Variants in ZNF780A observed in about 807,000 individuals in gnomAD.
The protein encoded by ZNF780A is zinc finger protein 780A.
Under a neutral mutation model 56.7 loss-of-function variants are expected in ZNF780A, and 40 were observed. The observed-to-expected ratio is 0.71, with a 90% CI of 0.55 to 0.92. ZNF780A has a LOEUF of 0.92. ZNF780A is among the 40% of genes least tolerant of loss of function. The probability of loss-of-function intolerance (pLI) is 0.00; values close to 1 mark genes in which losing one functional copy is unlikely to be tolerated. For missense variants in ZNF780A, 672 were observed against 783.3 expected (o/e 0.86, Z 1.70); for synonymous variants, 231 against 248.3 (o/e 0.93, Z 0.66).
At position 40,085,127 on chromosome 19, in the gene ZNF780A, C is replaced by A. The variant is rs1027029117; in HGVS notation, c.-45-329G>T. ...TACCTATCTTGGCCTAGGTCTGGAC[C>A]TCTGATCCTGCCCTTAGCAGATCCT... On this transcript the variant is annotated intron_variant, in intron 2 of 5. Transcript: ENST00000683561. 5 of 984,750 alleles carry A rather than the reference C, an allele frequency of 5.1e-6. No individual in the cohort carries two copies. In the African/African-American group the frequency reaches 8.7e-5, roughly 17 times the overall value. The allele number at this position is 984,750 out of a possible 1,614,324, so 61.0% of individuals were successfully genotyped here.
rs762651003 is a variant in ZNF780A at position 40,075,993 on chromosome 19, G to A, written c.449C>T (p.Thr150Ile). The stretch of plus-strand genomic sequence containing the variant: ...AATAAGAGAAGCATGAGGAGTATGA[G>A]TAGGCAGTTTTTCATAGCTGATCAT... The part of the protein sequence containing the change: ...QKMISYEKLP[T>I]HTPHASLICN... The change falls in exon 6 of 6, where the codon ACT becomes ATT. Residue 150 changes from threonine (T) to isoleucine (I), a missense_variant. Transcript: ENST00000683561. 6.8e-6 allele frequency: 11 copies of A among 1,613,434 alleles called. No homozygotes were observed. Among genetic ancestry groups the A allele is most frequent in the Non-Finnish European group, 8.5e-6 (10 of 1,179,752 alleles).
Position 40,086,022 on chromosome 19 carries a change from C to T in ZNF780A, c.-45-1224G>A, listed in dbSNP as rs149149622. ...TATGTGTGTGTGTGTGTGTATGCAT[C>T]TCTATATATGGACATATATAAATGT... On this transcript the variant is annotated intron_variant, in intron 2 of 5. Transcript: ENST00000683561. Among the ~76,000 whole-genome samples, 562 of 151,606 alleles carry T rather than the reference C, an allele frequency of 3.7e-3. 2 individuals are homozygous for T. Among genetic ancestry groups the T allele is most frequent in the African/African-American group, 0.013 (519 of 41,338 alleles).
In ZNF780A at chr19:40,075,911, A is replaced by C. The variant is rs758227275; in HGVS notation, c.531T>G (p.Ser177Arg). The C allele has an allele frequency of 2.2e-5, 35 of 1,613,942 alleles. No homozygotes were observed. In the South Asian group the frequency reaches 3.8e-4, roughly 18 times the overall value. ...CKECGKYFSRSANLIQHQSIH... is the reference protein window; with the variant it reads ...CKECGKYFSRRANLIQHQSIH... Reference sequence around the variant, plus strand: ...TACTCTGATGCTGAATAAGATTTGCACTACGACTAAAGTATTTCCCACATT... The same window carrying C: ...TACTCTGATGCTGAATAAGATTTGCCCTACGACTAAAGTATTTCCCACATT... Residue 177 changes from serine to arginine, a missense_variant, in exon 6 of 6, where the codon AGT becomes AGG. Transcript: ENST00000683561.
Position 40,075,068 on chromosome 19 carries a change from G to A in ZNF780A, c.1374C>T (p.Cys458=). 2 of 1,614,078 alleles carry A rather than the reference G, an allele frequency of 1.2e-6. No homozygotes were observed. The highest frequency in any genetic ancestry group is 2.7e-5 in the African/African-American group (2 of 75,006). Residue 458 remains cysteine (C), a synonymous_variant, in exon 6 of 6, where the codon TGC becomes TGT. Transcript: ENST00000683561. ...RECEMAFRYH[C]QLIEHSRIHT... ...GAATTCGAGAATGTTCAATAAGTTG[G>A]CAATGATATCTAAAGGCCATCTCAC...
Position 40,073,411 on chromosome 19 carries a change from G to A in ZNF780A, c.*1105C>T, listed in dbSNP as rs1973908556. The A allele has an allele frequency of 4.2e-6, 2 of 472,910 alleles. No homozygotes were observed. The highest frequency in any genetic ancestry group is 1.8e-4 in the South Asian group (2 of 11,058). 29.3% of individuals were successfully genotyped at this position (472,910 alleles called of 1,614,324 possible). ...TTACCAAAATGTGACATAAAGACAT[G>A]AAATGCACACCTGACGTTGGGAAAA... On this transcript the variant is annotated 3_prime_UTR_variant, in exon 6 of 6. Transcript: ENST00000683561.
intron 4 of ZNF780A, among the ~76,000 whole-genome samples, chr19:40,082,620 C>T (rs1206852312): frequency 3.9e-5 from 6 of 152,076 alleles, no homozygotes; most frequent in East Asian, 1.9e-4. Flanking sequence ...GACAGGGTCT[C>T]GGTCTATTGC....
chr19:40,070,490 C>T (rs1279648584), downstream of ZNF780A: 1 of 152,034 alleles, frequency 6.6e-6, no homozygotes, highest in African/African-American at 2.4e-5. Flanking sequence ...ACCAAACTGT[C>T]CAATTACCAA....
At chr19:40,087,196 A>G (rs1974853482) in intron 2 of ZNF780A, among the ~76,000 whole-genome samples, 1 of 152,204 alleles carries the variant, frequency 6.6e-6, no homozygotes, top group Non-Finnish European at 1.5e-5. Flanking sequence ...GATCATTTAC[A>G]ATGTCATTCC....
chr19:40,089,420 G>C, intron 2 of ZNF780A: 2 of 758,938 alleles, frequency 2.6e-6, no homozygotes, highest in Non-Finnish European at 3.8e-6. Context: ...CTGTTCTGTA[G>C]AGAGTCAAGG....
downstream of ZNF780A, chr19:40,072,853 A>G: frequency 1.3e-6 from 2 of 1,536,164 alleles, no homozygotes; most frequent in African/African-American, 2.8e-5. Flanking sequence ...TTGAGCGCCT[A>G]CATTCATAGG....
Position 40,076,092 on chromosome 19 carries a change from T to C in ZNF780A, c.350A>G (p.Tyr117Cys). The C allele has an allele frequency of 6.2e-7, 1 of 1,613,804 alleles. No individual in the cohort carries two copies. Among genetic ancestry groups the C allele is most frequent in the Non-Finnish European group, 8.5e-7 (1 of 1,179,920 alleles). ...TCTATATTCTGAGTCATTTCTAAAATAAAAGGCCTCAATGCCAAGAGTTGT... is the reference window on the plus strand; with the variant it reads ...TCTATATTCTGAGTCATTTCTAAAACAAAAGGCCTCAATGCCAAGAGTTGT... Reference protein sequence around the residue: ...ISTTLGIEAFYFRNDSEYRQF... With the variant: ...ISTTLGIEAFCFRNDSEYRQF... The change falls in exon 6 of 6, where the codon TAT (tyrosine) becomes TGT (cysteine). Residue 117 changes from tyrosine to cysteine, a missense_variant. By Grantham distance (194) the Tyr-to-Cys change is radical. Coordinates refer to ENST00000683561, the MANE Select transcript of ZNF780A (RefSeq NM_001142578.2).
In ZNF780A at chr19:40,076,013, G is replaced by A. The variant is rs1974115054; in HGVS notation, c.429C>T (p.Ile143=). 1 of 1,613,470 alleles carries A rather than the reference G, an allele frequency of 6.2e-7. No homozygotes were observed. Among genetic ancestry groups the A allele is most frequent in the Non-Finnish European group, 8.5e-7 (1 of 1,179,798 alleles). ...YQEGNINQKM[I]SYEKLPTHTP... is the part of the protein sequence containing the mutation. ...TATGAGTAGGCAGTTTTTCATAGCT[G>A]ATCATCTTTTGATTGATATTTCCTT... Residue 143 remains isoleucine (I), a synonymous_variant, in exon 6 of 6, where the codon ATC becomes ATT. Coordinates refer to ENST00000683561, the MANE Select transcript of ZNF780A (RefSeq NM_001142578.2).
At chr19:40,085,107 A>T (rs1974719692) in intron 2 of ZNF780A, 2 of 976,234 alleles carry the variant, frequency 2.0e-6, no homozygotes, top group East Asian at 2.3e-4. Flanking sequence ...TGGGATACCT[A>T]TCTTGGCCTA....
chr19:40,072,705 A>T, downstream of ZNF780A: 1 of 1,158,512 alleles, frequency 8.6e-7, no homozygotes, highest in African/African-American at 1.6e-5. Flanking sequence ...GTTCTAGGTC[A>T]GTGGCTCTCT....
chr19:40,072,960 T>A (rs562472822), downstream of ZNF780A: 380 of 1,542,812 alleles, frequency 2.5e-4, 7 homozygotes, highest in South Asian at 4.4e-3. Context: ...AAAAGATGGT[T>A]TGGAAGCCAA....
At chr19:40,083,862 AG>A (rs1434335780) in intron 3 of ZNF780A, among the ~76,000 whole-genome samples, 1 of 151,794 alleles carries the variant, frequency 6.6e-6, no homozygotes, top group Non-Finnish European at 1.5e-5. Context: ...GAGGATGGCC[AG>A]GGCCTCTAAG....
At position 40,074,245 on chromosome 19, in the gene ZNF780A, C is replaced by T; in HGVS notation, c.*271G>A. ...GCAAGCTGTGTCAGAAAACTGAAGG[C>T]CTTTCCACATTCTTTACATTCAAAG... is the stretch of plus-strand genomic sequence containing the variant. On this transcript the variant is annotated 3_prime_UTR_variant, in exon 6 of 6. Coordinates refer to ENST00000683561, the MANE Select transcript of ZNF780A (RefSeq NM_001142578.2). 6.9e-7 allele frequency: 1 copy of T among 1,455,930 alleles called. No individual in the cohort carries two copies. The highest frequency in any genetic ancestry group is 9.1e-7 in the Non-Finnish European group (1 of 1,099,656). The allele number at this position is 1,455,930 out of a possible 1,614,324, so 90.2% of individuals were successfully genotyped here. A position where few individuals can be genotyped will look rare whatever the true frequency, so the allele number is the denominator to read the frequency against.
chr19:40,082,367 A>C (rs907821668), intron 4 of ZNF780A, among the ~76,000 whole-genome samples: 1 of 152,220 alleles, frequency 6.6e-6, no homozygotes, highest in Non-Finnish European at 1.5e-5. Context: ...ACAGTAGCAC[A>C]AAGTCAAGAA....
downstream of ZNF780A, chr19:40,072,820 T>C: frequency 6.7e-7 from 1 of 1,502,298 alleles, no homozygotes; most frequent in Non-Finnish European, 8.9e-7. Flanking sequence ...AGTGCCACTG[T>C]TGATTCTAAT....
Sources: gnomAD v4.1 joint callset for allele counts (sites outside exome capture counted in the v4.1 genomes callset) on GRCh38, gnomAD v4.1.1 for gene constraint, MANE v1.5 for transcripts, NCBI Gene and HGNC (gene_info 2026-07-23, HGNC 2026-07-21) for gene names.